ITPR2: variants seen among roughly 807,000 people sequenced by gnomAD.
The protein encoded by ITPR2 is inositol 1,4,5-trisphosphate receptor type 2.
ITPR2 carries 207 observed loss-of-function variants against 317.1 expected under a neutral mutation model. The ratio of observed to expected loss-of-function variants is 0.65; its 90% CI spans 0.58 to 0.73. The LOEUF is 0.73. Among genes scored for constraint, ITPR2 ranks in the 30% least tolerant of loss-of-function variants. ITPR2 has a pLI of 0.00. For missense variants in ITPR2, 2,613 were observed against 3,284.0 expected, an observed-to-expected ratio of 0.80 and a Z score of 4.99; for synonymous variants, 1,156 against 1,149.1, an observed-to-expected ratio of 1.01 and a Z score of -0.12.
chr12:26,415,345 T>C lies in ITPR2; in HGVS notation c.7264A>G (p.Thr2422Ala). The change falls in exon 51 of 57, where the codon ACT becomes GCT. Residue 2422 changes from threonine (T) to alanine (A), a missense_variant. Transcript: ENST00000381340. ...TTTTTCAGCCTATCAACTTCCATAG[T>C]GAAGTCATCCTTCAAAAAAAGGAAC... ...IGFLFLKDDFTMEVDRLKNRT... is the reference protein window; with the variant it reads ...IGFLFLKDDFAMEVDRLKNRT... 6.2e-7 allele frequency: 1 copy of C among 1,611,602 alleles called. No homozygotes were observed.
chr12:26,636,933 C>T (rs1053667838), intron 21 of ITPR2, among the ~76,000 whole-genome samples: 2 of 152,158 alleles, frequency 1.3e-5, no homozygotes, highest in African/African-American at 4.8e-5. Context: ...CACTAACAGA[C>T]TTTACAAAGT....
At chr12:26,513,993 A>G (rs1331445791) in intron 37 of ITPR2, among the ~76,000 whole-genome samples, 1 of 152,230 alleles carries the variant, frequency 6.6e-6, no homozygotes, top group African/African-American at 2.4e-5. Context: ...CCCTTTCACA[A>G]TGATGGCTGA....
chr12:26,598,817 T>C (rs911830456), intron 30 of ITPR2, among the ~76,000 whole-genome samples: 2 of 152,230 alleles, frequency 1.3e-5, no homozygotes, highest in Non-Finnish European at 2.9e-5. Context: ...AATCTGTCTT[T>C]CTTATATCAT....
intron 35 of ITPR2, among the ~76,000 whole-genome samples, 191 bp from the exon 36 acceptor site, chr12:26,556,566 T>TTTTTG (rs370599538): frequency 0.012 from 1,682 of 136,106 alleles, 34 homozygotes; most frequent in African/African-American, 0.044. Context: ...ATTTTTTTTT[T>TTTTTG]TGTGTGTGTG....
intron 13 of ITPR2, among the ~76,000 whole-genome samples, chr12:26,672,844 G>A (rs374764565): frequency 4.0e-4 from 60 of 151,670 alleles, no homozygotes; most frequent in South Asian, 2.1e-3. Context: ...TCAAATAGAC[G>A]CAATAAAAAA....
chr12:26,492,691 A>G (rs1182051290), intron 39 of ITPR2, among the ~76,000 whole-genome samples: 1 of 152,216 alleles, frequency 6.6e-6, no homozygotes, highest in Non-Finnish European at 1.5e-5. Context: ...ACAGTGGAAC[A>G]TTGGTCAAAG....
At chr12:26,491,759 G>A (rs897624072) in intron 39 of ITPR2, among the ~76,000 whole-genome samples, 7 of 152,164 alleles carry the variant, frequency 4.6e-5, no homozygotes, top group African/African-American at 1.7e-4. Context: ...TAAGGTCAAG[G>A]ATGACTATCA....
At chr12:26,581,037 G>C (rs1210945676) in intron 32 of ITPR2, among the ~76,000 whole-genome samples, 2 of 152,126 alleles carry the variant, frequency 1.3e-5, no homozygotes, top group African/African-American at 4.8e-5. Flanking sequence ...AGCAGAGAAA[G>C]AAAGTTTAAA....
intron 29 of ITPR2, 65 bp from the exon 30 acceptor site, chr12:26,599,410 G>A: frequency 7.3e-7 from 1 of 1,362,920 alleles, no homozygotes; most frequent in South Asian, 1.2e-5. Context: ...ACAGTACTTA[G>A]ACTAATTGCC....
intron 23 of ITPR2, among the ~76,000 whole-genome samples, chr12:26,625,057 G>T (rs781100612): frequency 1.5e-4 from 23 of 151,930 alleles, no homozygotes; most frequent in Non-Finnish European, 2.9e-4. Flanking sequence ...TGGAACTGGA[G>T]GTCATTATGT....
At chr12:26,770,536 T>A (rs1949821068) in intron 2 of ITPR2, among the ~76,000 whole-genome samples, 1 of 152,162 alleles carries the variant, frequency 6.6e-6, no homozygotes, top group Non-Finnish European at 1.5e-5. Context: ...TAGCTAAGGG[T>A]CTAGATTTCA....
At chr12:26,475,095 CTT>C (rs1942387285) in intron 45 of ITPR2, among the ~76,000 whole-genome samples, 199 bp downstream of exon 45, 2 of 152,154 alleles carry the variant, frequency 1.3e-5, no homozygotes, top group Admixed American at 1.3e-4. Context: ...ACCAAGCACT[CTT>C]TTCCTGAAGA....
At chr12:26,775,959 T>TATATATATATATATATATACA (rs1263788006) in intron 2 of ITPR2, among the ~76,000 whole-genome samples, 2 of 145,174 alleles carry the variant, frequency 1.4e-5, no homozygotes, top group Non-Finnish European at 1.5e-5. Flanking sequence ...TATATGTATA[T>TATATATATATATATATATACA]CCTATTAGTT....
intron 37 of ITPR2, among the ~76,000 whole-genome samples, chr12:26,513,119 G>A (rs1041575369): frequency 1.3e-5 from 2 of 152,060 alleles, no homozygotes; most frequent in East Asian, 1.9e-4. Flanking sequence ...GGGATTACCG[G>A]TGTGAGCCAC....
chr12:26,721,543 T>G (rs1298778890), intron 5 of ITPR2, among the ~76,000 whole-genome samples: 1 of 152,198 alleles, frequency 6.6e-6, no homozygotes, highest in Non-Finnish European at 1.5e-5. Context: ...GATCCCCTGA[T>G]GCAATACTTG....
chr12:26,454,363 A>G (rs1591798923), intron 45 of ITPR2, among the ~76,000 whole-genome samples: 1 of 151,858 alleles, frequency 6.6e-6, no homozygotes, highest in South Asian at 2.1e-4. Flanking sequence ...CACCACCATG[A>G]CCAGCTAATT....
chr12:26,500,616 T>C (rs75860629), intron 37 of ITPR2, among the ~76,000 whole-genome samples: 242 of 152,266 alleles, frequency 1.6e-3, no homozygotes, highest in African/African-American at 5.6e-3. Context: ...CTTCTGAAAT[T>C]ACAACAAAAT....
chr12:26,422,214 T>C (rs1940920183), intron 49 of ITPR2, among the ~76,000 whole-genome samples: 2 of 150,300 alleles, frequency 1.3e-5, no homozygotes, highest in South Asian at 4.2e-4. Flanking sequence ...ATTTAACTAA[T>C]TAGTTAAACT....
intron 1 of ITPR2, among the ~76,000 whole-genome samples, chr12:26,803,354 A>T (rs1950592013): frequency 1.9e-5 from 2 of 105,064 alleles, no homozygotes; most frequent in South Asian, 2.9e-4. Context: ...GGCATATAGT[A>T]AGTGCAAAAA....
Sources: allele counts gnomAD v4.1 joint callset (sites outside exome capture counted in the v4.1 genomes callset), GRCh38; gene constraint gnomAD v4.1.1; transcripts MANE v1.5; gene names NCBI Gene and HGNC (gene_info 2026-07-23, HGNC 2026-07-21).